The following SOX5 variants were observed in gnomAD, a reference collection of about 807,000 sequenced individuals.
SOX5 encodes the protein transcription factor SOX-5.
A neutral mutation model predicts 92.0 loss-of-function variants in SOX5; 9 were observed. The observed-to-expected ratio is 0.10, with a 90% CI of 0.06 to 0.17. The LOEUF is 0.17. Among genes scored for constraint, SOX5 ranks in the 10% least tolerant of loss-of-function variants. The pLI, the probability that SOX5 is intolerant of heterozygous loss-of-function variation, is 1.00. For synonymous variants in SOX5, 344 were observed against 336.3 expected (o/e 1.02, Z -0.25); for missense variants, 642 against 944.5 (o/e 0.68, Z 4.20).
At chr12:24,128,379 T>A (rs1408751811) in intron 4 of SOX5, among the ~76,000 whole-genome samples, 2 of 152,022 alleles carry the variant, frequency 1.3e-5, no homozygotes, top group Non-Finnish European at 2.9e-5. Flanking sequence ...AGACAACTAG[T>A]GGGGGAGAGA....
At chr12:24,141,466 T>C (rs1411361381) in intron 4 of SOX5, among the ~76,000 whole-genome samples, 3 of 152,204 alleles carry the variant, frequency 2.0e-5, no homozygotes, top group African/African-American at 7.2e-5. Flanking sequence ...TTAGCACTAT[T>C]ACTTGTAGTA....
intron 7 of SOX5, among the ~76,000 whole-genome samples, chr12:23,663,934 C>A (rs2083420953): frequency 6.6e-6 from 1 of 151,886 alleles, no homozygotes; most frequent in African/African-American, 2.4e-5. Flanking sequence ...AATTAAGAGT[C>A]CAGAGTGAGA....
intron 6 of SOX5, among the ~76,000 whole-genome samples, chr12:23,698,960 T>C (rs1234455371): frequency 6.6e-6 from 1 of 152,208 alleles, no homozygotes; most frequent in Non-Finnish European, 1.5e-5. Context: ...AAAGTATTTC[T>C]AGCACAGGTG....
At chr12:23,891,184 T>C (rs1474197171) in intron 2 of SOX5, among the ~76,000 whole-genome samples, 3 of 152,008 alleles carry the variant, frequency 2.0e-5, no homozygotes, top group Non-Finnish European at 4.4e-5. Flanking sequence ...ATAAATGAAC[T>C]TTAAGTATTT....
rs113314459 is a variant in SOX5 at position 23,594,200 on chromosome 12, G to GA, written c.1164+10186dup. On this transcript the variant is annotated intron_variant, in intron 9 of 14. Transcript: ENST00000451604. The stretch of plus-strand genomic sequence containing the variant: ...AAAACCTGCTGATGAAATGAATCTG[G>GA]AAAAAAAAAAACAAAACAGGAAGTA... 4.0e-3 allele frequency among the ~76,000 whole-genome samples: 583 copies of GA among 144,322 alleles called. 3 individuals carry two copies. The highest frequency in any genetic ancestry group is 8.4e-3 in the African/African-American group (332 of 39,502). 94.7% of individuals were successfully genotyped at this position (144,322 alleles called of 152,430 possible).
At chr12:23,673,626 T>C (rs992854898) in intron 6 of SOX5, among the ~76,000 whole-genome samples, 5 of 152,152 alleles carry the variant, frequency 3.3e-5, no homozygotes, top group Admixed American at 1.3e-4. Context: ...TGTGATGCTT[T>C]GCCCAATGGT....
intron 4 of SOX5, among the ~76,000 whole-genome samples, chr12:23,753,021 C>G (rs1202993315): frequency 6.6e-6 from 1 of 151,798 alleles, no homozygotes; most frequent in African/African-American, 2.4e-5. Flanking sequence ...ACTTTATGCT[C>G]TTAGAAGTAG....
intron 1 of SOX5, among the ~76,000 whole-genome samples, chr12:24,533,598 G>T (rs990997535): frequency 6.6e-6 from 1 of 152,048 alleles, no homozygotes; most frequent in Admixed American, 6.5e-5. Context: ...CAAATAACTA[G>T]ATAATCAAAT....
chr12:24,049,277 T>C (rs1957324962), intron 4 of SOX5, among the ~76,000 whole-genome samples: 1 of 152,138 alleles, frequency 6.6e-6, no homozygotes, highest in Non-Finnish European at 1.5e-5. Flanking sequence ...TATCACTCCT[T>C]GGCCAAATAC....
intron 4 of SOX5, among the ~76,000 whole-genome samples, chr12:24,085,549 T>C (rs138843842): frequency 4.5e-4 from 69 of 152,216 alleles, no homozygotes; most frequent in Admixed American, 9.8e-4. Flanking sequence ...ATTTACATAA[T>C]TATATTTTGT....
chr12:23,802,015 A>T (rs1441600491), intron 3 of SOX5, among the ~76,000 whole-genome samples: 2 of 152,164 alleles, frequency 1.3e-5, no homozygotes, highest in African/African-American at 4.8e-5. Flanking sequence ...GAATAAAATT[A>T]AAAATATTAC....
intron 4 of SOX5, among the ~76,000 whole-genome samples, chr12:24,016,972 G>A (rs1421158569): frequency 6.6e-6 from 1 of 152,094 alleles, no homozygotes. Context: ...CTCATCCAAA[G>A]AATTCACTGA....
intron 4 of SOX5, among the ~76,000 whole-genome samples, chr12:23,983,785 C>T (rs1949814541): frequency 6.6e-6 from 1 of 151,800 alleles, no homozygotes; most frequent in African/African-American, 2.4e-5. Flanking sequence ...AAATTGTGTC[C>T]TAATTTATTA....
intron 1 of SOX5, among the ~76,000 whole-genome samples, chr12:24,447,708 A>G (rs1313221995): frequency 6.6e-6 from 1 of 152,180 alleles, no homozygotes; most frequent in African/African-American, 2.4e-5. Context: ...CTATAAAACT[A>G]TTGTAAAATC....
chr12:23,859,406 C>A (rs938253462), intron 2 of SOX5, among the ~76,000 whole-genome samples: 20 of 152,190 alleles, frequency 1.3e-4, no homozygotes, highest in African/African-American at 4.3e-4. Flanking sequence ...TGGTCTCCTG[C>A]AGTGCCCTTC....
chr12:24,244,062 AAAAAG>A (rs1332484421), intron 3 of SOX5, among the ~76,000 whole-genome samples: 6 of 151,752 alleles, frequency 4.0e-5, no homozygotes, highest in African/African-American at 1.5e-4. Context: ...AAAAAAAAAA[AAAAAG>A]AAAAGGTTGG....
intron 3 of SOX5, among the ~76,000 whole-genome samples, chr12:24,253,712 A>G (rs1157445947): frequency 4.6e-5 from 7 of 152,106 alleles, no homozygotes; most frequent in Non-Finnish European, 2.9e-5. Context: ...CAAAATGGAA[A>G]AGACCATCTC....
intron 4 of SOX5, among the ~76,000 whole-genome samples, chr12:24,095,128 C>CAG (rs764681203): frequency 0.034 from 3,083 of 90,134 alleles, 59 homozygotes; most frequent in East Asian, 0.068. Context: ...CACACACACA[C>CAG]AGAGAGAGAG....
At chr12:24,124,452 C>T (rs1439585001) in intron 4 of SOX5, among the ~76,000 whole-genome samples, 1 of 151,914 alleles carries the variant, frequency 6.6e-6, no homozygotes, top group Non-Finnish European at 1.5e-5. Flanking sequence ...TTCAGTCATT[C>T]CTCCAGCAAA....
Sources: gnomAD v4.1 joint callset for allele counts (sites outside exome capture counted in the v4.1 genomes callset) on GRCh38, gnomAD v4.1.1 for gene constraint, MANE v1.5 for transcripts, NCBI Gene and HGNC (gene_info 2026-07-23, HGNC 2026-07-21) for gene names.